The following GET3 variants were observed in gnomAD, a reference collection of about 807,000 sequenced individuals.
GET3 encodes ATPase GET3.
In GET3, 15 loss-of-function variants were observed where a neutral mutation model predicts 32.4. The ratio of observed to expected loss-of-function variants is 0.46; its 90% CI spans 0.31 to 0.71. The LOEUF (loss-of-function observed/expected upper bound fraction) is 0.71, where lower values mean the gene tolerates loss of function less well. GET3 is among the 30% of genes least tolerant of loss of function. The pLI is 0.05. For synonymous variants in GET3, 198 were observed against 185.6 expected (o/e 1.07, Z -0.54); for missense variants, 333 against 459.0 (o/e 0.73, Z 2.51).
chr19:12,738,475 C>G, intron 1 of GET3, 36 bp from the exon 2 acceptor site: 1 of 1,612,148 alleles, frequency 6.2e-7, no homozygotes, highest in Non-Finnish European at 8.5e-7. Flanking sequence ...GAGCCCATCC[C>G]CTCATCCCCT....
At chr19:12,746,339 C>T (rs538584734) in intron 4 of GET3, among the ~76,000 whole-genome samples, 8 of 152,244 alleles carry the variant, frequency 5.3e-5, no homozygotes, top group African/African-American at 1.9e-4. Context: ...TGCCATGTTG[C>T]CCAGGCTGGT....
upstream of GET3, chr19:12,737,158 T>A (rs8177464): frequency 0.025 from 4,574 of 182,730 alleles, 216 homozygotes; most frequent in African/African-American, 0.1. Flanking sequence ...GTTGCTAAGG[T>A]GAGGTTGGCG....
chr19:12,746,877 G>A (rs897171027), intron 4 of GET3, among the ~76,000 whole-genome samples: 24 of 152,196 alleles, frequency 1.6e-4, no homozygotes, highest in African/African-American at 5.1e-4. Flanking sequence ...GGGCATGGTG[G>A]TGCGCGCCTG....
At chr19:12,739,488 C>T (rs969970784) in intron 2 of GET3, among the ~76,000 whole-genome samples, 1 of 152,120 alleles carries the variant, frequency 6.6e-6, no homozygotes, top group Non-Finnish European at 1.5e-5. Flanking sequence ...TGGAAGTAAA[C>T]CAGTAAGATT....
chr19:12,740,761 T>G (rs576772309), intron 2 of GET3, among the ~76,000 whole-genome samples: 1 of 152,114 alleles, frequency 6.6e-6, no homozygotes, highest in Non-Finnish European at 1.5e-5. Flanking sequence ...TGGGATGAGC[T>G]CCATCCAGCA....
intron 2 of GET3, among the ~76,000 whole-genome samples, chr19:12,744,375 A>G (rs1025029929): frequency 6.6e-6 from 1 of 151,896 alleles, no homozygotes; most frequent in African/African-American, 2.4e-5. Context: ...GCTGGAGTGT[A>G]ATGGCGTGAT....
intron 4 of GET3, among the ~76,000 whole-genome samples, chr19:12,746,308 C>G (rs868593253): frequency 3.3e-5 from 5 of 152,196 alleles, no homozygotes; most frequent in Middle Eastern, 6.8e-3. Context: ...AATTTTTGTA[C>G]TTTTTGTAGA....
Position 12,745,841 on chromosome 19 carries a change from C to T in GET3, c.609+82C>T. On this transcript the variant is annotated intron_variant, in intron 4 of 6. Transcript: ENST00000357332. This position sits in a 1 kb window ranked among gnomAD's most constrained non-coding sequence, Gnocchi z 5.0. ...CCGGGCCCCCAGACCCTCAAATGCG[C>T]ACTAACAATTCCCTTTCCTTCCCAC... 6.7e-7 allele frequency: 1 copy of T among 1,492,438 alleles called. No homozygotes were observed. The highest frequency in any genetic ancestry group is 9.0e-7 in the Non-Finnish European group (1 of 1,117,058). The allele number at this position is 1,492,438 out of a possible 1,614,324, so 92.4% of individuals were successfully genotyped here. A position where few individuals can be genotyped will look rare whatever the true frequency, so the allele number is the denominator to read the frequency against.
intron 2 of GET3, among the ~76,000 whole-genome samples, chr19:12,739,093 TGTAACCA>T (rs1273519909): frequency 6.6e-6 from 1 of 151,576 alleles, no homozygotes; most frequent in Non-Finnish European, 1.5e-5. Context: ...AGATTGGGGG[TGTAACCA>T]GTTGAGAGAT....
In GET3 at chr19:12,745,561, G is replaced by A; in HGVS notation, c.458+36G>A. 6.2e-7 allele frequency: 1 copy of A among 1,612,596 alleles called. No homozygotes were observed. On this transcript the variant is annotated intron_variant, in intron 3 of 6. Transcript: ENST00000357332. This position sits in a 1 kb window ranked among gnomAD's most constrained non-coding sequence, Gnocchi z 5.0. ...GCCAGCAGGGGTGGGGGCTGCCTGGGGAAGGGGAAGAGCGGACACAGAGGG... is the reference window on the plus strand; with the variant it reads ...GCCAGCAGGGGTGGGGGCTGCCTGGAGAAGGGGAAGAGCGGACACAGAGGG...
At chr19:12,741,596 TA>T (rs1441424003) in intron 2 of GET3, among the ~76,000 whole-genome samples, 1 of 150,904 alleles carries the variant, frequency 6.6e-6, no homozygotes, top group African/African-American at 2.4e-5. Context: ...CCGTCTCTAC[TA>T]AAAATACAAA....
In GET3 at chr19:12,747,363, C is replaced by T. The variant is rs369094927; in HGVS notation, c.718-32C>T. 7.0e-5 allele frequency: 113 copies of T among 1,612,632 alleles called. No homozygotes were observed. Among genetic ancestry groups the T allele is most frequent in the African/African-American group, 1.9e-4 (14 of 75,004 alleles). On this transcript the variant is annotated intron_variant, in intron 5 of 6. Coordinates refer to ENST00000357332, the MANE Select transcript of GET3 (RefSeq NM_004317.4). The surrounding 1 kb of genome is among the most constrained non-coding windows in gnomAD (Gnocchi z 4.0). ...GGGGGCTGAGGACAGGGGCAGACCCCGCCCCTCACTGTCCTCTCTCGTGCC... is the reference window on the plus strand; with the variant it reads ...GGGGGCTGAGGACAGGGGCAGACCCTGCCCCTCACTGTCCTCTCTCGTGCC...
At chr19:12,744,914 A>G (rs774372381) in intron 2 of GET3, among the ~76,000 whole-genome samples, 5 of 152,020 alleles carry the variant, frequency 3.3e-5, no homozygotes, top group Non-Finnish European at 7.4e-5. Context: ...TATCCTGCCC[A>G]GCTCCTAAGG....
In GET3 at chr19:12,747,684, T is replaced by C. The variant is rs1375224990; in HGVS notation, c.915+92T>C. 7 of 1,433,352 alleles carry C rather than the reference T, an allele frequency of 4.9e-6. No individual in the cohort carries two copies. In the Admixed American group the frequency reaches 1.0e-4, roughly 21 times the overall value. The allele number at this position is 1,433,352 out of a possible 1,614,324, so 88.8% of individuals were successfully genotyped here. A position where few individuals can be genotyped will look rare whatever the true frequency, so the allele number is the denominator to read the frequency against. On this transcript the variant is annotated intron_variant, in intron 6 of 6. Transcript: ENST00000357332. The surrounding 1 kb of genome is among the most constrained non-coding windows in gnomAD (Gnocchi z 4.0). ...CTCCACCATCTGGCCCTCTGCCCTC[T>C]AGCCTCCTGCCCTTTGCCCCCACAT...
intron 2 of GET3, among the ~76,000 whole-genome samples, chr19:12,740,552 C>G (rs1397162735): frequency 6.6e-6 from 1 of 151,678 alleles, no homozygotes; most frequent in Non-Finnish European, 1.5e-5. Flanking sequence ...TGGCGGGCAC[C>G]TGTAGTCCCA....
chr19:12,737,454 T>C, upstream of GET3: 1 of 1,426,854 alleles, frequency 7.0e-7, no homozygotes, highest in Non-Finnish European at 9.2e-7. Context: ...GAATTTCCCC[T>C]GTAGGTTCTT....
At chr19:12,740,912 C>G (rs912963445) in intron 2 of GET3, among the ~76,000 whole-genome samples, 3 of 152,162 alleles carry the variant, frequency 2.0e-5, no homozygotes, top group African/African-American at 7.2e-5. Context: ...AGGGTCTCAG[C>G]AGTGAATGGG....
chr19:12,747,592 G>C lies in GET3; in HGVS notation c.915G>C (p.Gln305His). ...AGATCCAGGCCAAGTATCTGGACCA[G>C]GTGTGCCCACCCACCCAGCACTGGC... ...RHKIQAKYLD[Q>H]MEDLYEDFHI... Residue 305 changes from glutamine to histidine, a missense_variant and splice_region_variant, in exon 6 of 7, where the codon CAG (glutamine) becomes CAC (histidine). Physicochemically the swap from Gln to His is conservative, Grantham distance 24 (BLOSUM62 0). This residue lies in a region of GET3 where 230 missense variants were observed against 389.2 expected (regional missense o/e 0.59). Transcript: ENST00000357332. This position sits in a 1 kb window ranked among gnomAD's most constrained non-coding sequence, Gnocchi z 4.0. 6.2e-7 allele frequency: 1 copy of C among 1,612,368 alleles called. No individual in the cohort carries two copies. Among genetic ancestry groups the C allele is most frequent in the Admixed American group, 1.7e-5 (1 of 59,842 alleles).
chr19:12,738,260 G>A (rs754911646), intron 1 of GET3, among the ~76,000 whole-genome samples: 3 of 152,158 alleles, frequency 2.0e-5, no homozygotes, highest in Admixed American at 6.5e-5. Context: ...CAAAAAAGAA[G>A]CAGGCACTAG....
Sources: gnomAD v4.1 joint callset for allele counts (sites outside exome capture counted in the v4.1 genomes callset) on GRCh38, gnomAD v4.1.1 for gene constraint, gnomAD v4.1.1 regional missense constraint, Gnocchi (gnomAD v3.1) non-coding constraint, MANE v1.5 for transcripts, NCBI Gene and HGNC (gene_info 2026-07-23, HGNC 2026-07-21) for gene names.